STXBP5: variants seen among roughly 807,000 people sequenced by gnomAD.
STXBP5 encodes the protein syntaxin binding protein 5, also known as syntaxin-binding protein 5.
STXBP5 carries 50 observed loss-of-function variants against 152.4 expected under a neutral mutation model. The observed-to-expected ratio is 0.33, with a 90% CI of 0.26 to 0.42. The LOEUF is 0.42. STXBP5 is among the 10% of genes least tolerant of loss of function. The probability of loss-of-function intolerance (pLI) is 1.00; values close to 1 mark genes in which losing one functional copy is unlikely to be tolerated. For missense variants in STXBP5, 1,167 were observed against 1,388.6 expected (o/e 0.84, Z 2.54); for synonymous variants, 492 against 494.7 (o/e 0.99, Z 0.07).
chr6:147,331,286 G>A (rs1783555355), intron 18 of STXBP5, among the ~76,000 whole-genome samples: 1 of 152,146 alleles, frequency 6.6e-6, no homozygotes. Context: ...TTTATAGGTA[G>A]AAACAGTAAA....
intron 2 of STXBP5, among the ~76,000 whole-genome samples, chr6:147,234,708 T>G (rs918920026): frequency 2.0e-5 from 3 of 152,032 alleles, no homozygotes; most frequent in African/African-American, 7.2e-5. Context: ...CACGTTCATT[T>G]GGTGAAACAA....
At chr6:147,223,213 A>T (rs1159098406) in intron 2 of STXBP5, among the ~76,000 whole-genome samples, 1 of 152,222 alleles carries the variant, frequency 6.6e-6, no homozygotes, top group Non-Finnish European at 1.5e-5. Context: ...TTTAAAACTG[A>T]CGTTTATCAA....
In STXBP5 at chr6:147,204,652, G is replaced by A. The variant is rs1310045441; in HGVS notation, c.120G>A (p.Thr40=). ...ACCGGGAGCCGGAGATCCAGGAAAC[G>A]CTCCAGTCCGAGCACTTTCAGCTCT... ...PGNREPEIQE[T]LQSEHFQLCK... is the part of the protein sequence containing the mutation. The change falls in exon 1 of 28, where the codon ACG becomes ACA. Residue 40 remains threonine (T), a synonymous_variant. Transcript: ENST00000321680. The surrounding 1 kb of genome is among the most constrained non-coding windows in gnomAD (Gnocchi z 4.3). 1.2e-6 allele frequency: 2 copies of A among 1,609,476 alleles called. No homozygotes were observed. The highest frequency in any genetic ancestry group is 1.7e-6 in the Non-Finnish European group (2 of 1,177,562).
At chr6:147,378,028 CA>C (rs1785897524) in intron 26 of STXBP5, among the ~76,000 whole-genome samples, 1 of 151,994 alleles carries the variant, frequency 6.6e-6, no homozygotes, top group Admixed American at 6.6e-5. Flanking sequence ...TGAAAGTCGA[CA>C]AAAAGCTAAA....
Position 147,316,392 on chromosome 6 carries a change from A to G in STXBP5, c.1787A>G (p.Asn596Ser). 1 of 1,549,220 alleles carries G rather than the reference A, an allele frequency of 6.5e-7. No homozygotes were observed. The highest frequency in any genetic ancestry group is 8.7e-7 in the Non-Finnish European group (1 of 1,153,390). ...AGTTCATCTGATGGGCTTCGTGATAATGTACCTTGTTTAAAGTAAGTTATA... is the reference window on the plus strand; with the variant it reads ...AGTTCATCTGATGGGCTTCGTGATAGTGTACCTTGTTTAAAGTAAGTTATA... ...SSSSSDGLRD[N>S]VPCLKVKNSP... Residue 596 changes from asparagine to serine, a missense_variant, in exon 16 of 28, where the codon AAT (asparagine) becomes AGT (serine). Asn to Ser is a conservative substitution (Grantham distance 46, BLOSUM62 1). Coordinates refer to ENST00000321680, the MANE Select transcript of STXBP5 (RefSeq NM_001127715.4).
intron 22 of STXBP5, among the ~76,000 whole-genome samples, chr6:147,355,493 C>T (rs761884014): frequency 2.0e-5 from 3 of 152,100 alleles, no homozygotes; most frequent in Non-Finnish European, 4.4e-5. Flanking sequence ...TATTCAAGCA[C>T]ATTTCTGACA....
At chr6:147,224,392 A>C (rs1230204014) in intron 2 of STXBP5, among the ~76,000 whole-genome samples, 1 of 152,194 alleles carries the variant, frequency 6.6e-6, no homozygotes, top group Non-Finnish European at 1.5e-5. Flanking sequence ...GCACCACTGA[A>C]CTCCAGCCTG....
chr6:147,303,290 C>T (rs1479526844), intron 9 of STXBP5, among the ~76,000 whole-genome samples: 1 of 152,040 alleles, frequency 6.6e-6, no homozygotes, highest in African/African-American at 2.4e-5. Context: ...ATGCTATTCT[C>T]ATGATAGAGA....
chr6:147,213,475 T>TGCGCGCGCGCGCGC (rs1361174338), intron 2 of STXBP5, among the ~76,000 whole-genome samples: 9 of 132,174 alleles, frequency 6.8e-5, no homozygotes, highest in African/African-American at 2.5e-4. Flanking sequence ...TGTGTGTGTG[T>TGCGCGCGCGCGCGC]GTGCGCGCGC....
intron 4 of STXBP5, among the ~76,000 whole-genome samples, chr6:147,246,601 A>C (rs1238947009): frequency 5.3e-5 from 8 of 152,102 alleles, no homozygotes; most frequent in African/African-American, 1.9e-4. Context: ...CTAAAGACGT[A>C]TGTTTTTTCT....
intron 2 of STXBP5, among the ~76,000 whole-genome samples, chr6:147,234,555 G>A (rs1007671966): frequency 3.3e-5 from 5 of 151,892 alleles, no homozygotes; most frequent in African/African-American, 7.2e-5. Flanking sequence ...AACATTCTTC[G>A]TGAGTTATGA....
At chr6:147,222,033 A>G (rs992399888) in intron 2 of STXBP5, among the ~76,000 whole-genome samples, 4 of 152,060 alleles carry the variant, frequency 2.6e-5, no homozygotes, top group African/African-American at 9.7e-5. Flanking sequence ...AGCTGTGTCC[A>G]GACTACTATG....
intron 2 of STXBP5, among the ~76,000 whole-genome samples, chr6:147,206,666 C>T (rs1194864714): frequency 2.0e-5 from 3 of 152,058 alleles, no homozygotes; most frequent in African/African-American, 7.2e-5. Context: ...CTTTTTCTCT[C>T]ATAGTCTACA....
rs1778422909 is a variant in STXBP5, at chr6:147,239,256, A to G, written c.417A>G (p.Lys139=). The change falls in exon 4 of 28, where the codon AAA becomes AAG. Residue 139 remains lysine (K), a synonymous_variant. Transcript: ENST00000321680. ...GGCCTGCCATACTACATTCGCTTAA[A>G]TTTTGCAGAGAAAGGTAAGAATTCT... is the stretch of plus-strand genomic sequence containing the variant. The part of the protein sequence containing the change: ...QKRPAILHSL[K]FCRERVTFCH... 1.9e-6 allele frequency: 3 copies of G among 1,613,486 alleles called. No individual in the cohort carries two copies. Among genetic ancestry groups the G allele is most frequent in the Admixed American group, 1.7e-5 (1 of 59,980 alleles).
At position 147,234,554 on chromosome 6, in the gene STXBP5, C is replaced by T. The variant is rs769425077; in HGVS notation, c.249-696C>T. Among the ~76,000 whole-genome samples the T allele has an allele frequency of 1.1e-4, 17 of 151,710 alleles. No homozygotes were observed. The East Asian group carries it at 1.3e-3, about 12-fold the overall frequency. ...TTAAGTGGGGGAAAATAACATTCTT[C>T]GTGAGTTATGAGGATTAAATGAGTT... On this transcript the variant is annotated intron_variant, in intron 2 of 27. Transcript: ENST00000321680.
rs556222749 is a variant in STXBP5, at chr6:147,318,697, G to C, written c.1802+2290G>C. Among the ~76,000 whole-genome samples, 14 of 152,296 alleles carry C rather than the reference G, an allele frequency of 9.2e-5. No homozygotes were observed. In the East Asian group the frequency reaches 2.7e-3, roughly 29 times the overall value. On this transcript the variant is annotated intron_variant, in intron 16 of 27. Transcript: ENST00000321680. The stretch of plus-strand genomic sequence containing the variant: ...GAGTCTCATTAGCCAATCCATTAAT[G>C]ATACATGTGAGGAGAGTCCTTTTTG...
At chr6:147,309,592 G>T (rs959695966) in intron 9 of STXBP5, among the ~76,000 whole-genome samples, 1 of 152,086 alleles carries the variant, frequency 6.6e-6, no homozygotes, top group East Asian at 1.9e-4. Context: ...GGTTCTAGAA[G>T]AAATTAAGGC....
chr6:147,296,101 G>T (rs961094684), intron 9 of STXBP5, among the ~76,000 whole-genome samples: 1 of 152,072 alleles, frequency 6.6e-6, no homozygotes, highest in Non-Finnish European at 1.5e-5. Flanking sequence ...GAGGGAGGCA[G>T]CCCTGGGCTG....
At position 147,209,134 on chromosome 6, in the gene STXBP5, A is replaced by C. The variant is rs58667288; in HGVS notation, c.248+3066A>C. ...ATTTTTAAAGTAAATTTTTTTTCTA[A>C]ACACAATGAGGTCATTATATATATG... is the stretch of plus-strand genomic sequence containing the variant. On this transcript the variant is annotated intron_variant, in intron 2 of 27. Transcript: ENST00000321680. Among the ~76,000 whole-genome samples the C allele has an allele frequency of 7.2e-3, 1,101 of 152,232 alleles. 12 individuals carry two copies. The highest frequency in any genetic ancestry group is 0.025 in the African/African-American group (1,056 of 41,556).
Sources: gnomAD v4.1 joint callset for allele counts (sites outside exome capture counted in the v4.1 genomes callset) on GRCh38, gnomAD v4.1.1 for gene constraint, Gnocchi (gnomAD v3.1) non-coding constraint, MANE v1.5 for transcripts, NCBI Gene and HGNC (gene_info 2026-07-23, HGNC 2026-07-21) for gene names.